The following MGAT4C variants were observed in gnomAD, a reference collection of about 807,000 sequenced individuals.
The protein encoded by MGAT4C is alpha-1,3-mannosyl-glycoprotein 4-beta-N-acetylglucosaminyltransferase C.
MGAT4C carries 19 observed loss-of-function variants against 40.1 expected under a neutral mutation model. That is an observed-to-expected ratio of 0.47 (90% CI 0.33 to 0.70). MGAT4C has a LOEUF of 0.70. MGAT4C is among the 30% of genes least tolerant of loss of function. The probability of loss-of-function intolerance (pLI) is 0.02; values close to 1 mark genes in which losing one functional copy is unlikely to be tolerated. For synonymous variants in MGAT4C, 181 were observed against 187.1 expected (o/e 0.97, Z 0.27); for missense variants, 491 against 563.2 (o/e 0.87, Z 1.30).
chr12:86,506,665 C>T (rs914586127), intron 2 of MGAT4C, among the ~76,000 whole-genome samples: 1 of 152,126 alleles, frequency 6.6e-6, no homozygotes, highest in Non-Finnish European at 1.5e-5. Context: ...AGCCCAACTT[C>T]CAATAGCTTA....
intron 1 of MGAT4C, among the ~76,000 whole-genome samples, chr12:86,150,009 G>A (rs976432422): frequency 3.9e-5 from 6 of 152,260 alleles, no homozygotes; most frequent in East Asian, 1.9e-4. Flanking sequence ...ACCAGGGACC[G>A]GTTTCATGGG....
chr12:86,261,292 C>T (rs951468119), upstream of MGAT4C, among the ~76,000 whole-genome samples: 1 of 152,008 alleles, frequency 6.6e-6, no homozygotes, highest in Non-Finnish European at 1.5e-5. Flanking sequence ...AATTGAAGAC[C>T]TTATATAATG....
intron 2 of MGAT4C, among the ~76,000 whole-genome samples, chr12:86,502,161 T>A (rs955381731): frequency 6.6e-6 from 1 of 152,082 alleles, no homozygotes; most frequent in South Asian, 2.1e-4. Flanking sequence ...GGAATTATTA[T>A]TGAAAAATTA....
chr12:86,240,040 AAAAAAT>A (rs1314356840), intron 1 of MGAT4C, among the ~76,000 whole-genome samples: 642 of 8,852 alleles, frequency 0.073, 1 homozygote, highest in South Asian at 0.15. Flanking sequence ...AAAAAAAAAT[AAAAAAT>A]AAAATAAAAT....
Position 86,642,310 on chromosome 12 carries a change from A to G in MGAT4C, c.-229+84899T>C, listed in dbSNP as rs374568317. On this transcript the variant is annotated intron_variant, in intron 2 of 7. Coordinates refer to the MGAT4C transcript ENST00000548651. ...GATCAGTTTAAATGACCAAGTGTGCATAAATCTACATGGCTTTTCATTCTT... is the reference window on the plus strand; with the variant it reads ...GATCAGTTTAAATGACCAAGTGTGCGTAAATCTACATGGCTTTTCATTCTT... Among the ~76,000 whole-genome samples, 14 of 151,946 alleles carry G rather than the reference A, an allele frequency of 9.2e-5. No individual in the cohort carries two copies. The East Asian group carries it at 1.8e-3, about 19-fold the overall frequency.
intron 2 of MGAT4C, chr12:86,013,781 A>C: frequency 1.1e-6 from 1 of 949,156 alleles, no homozygotes; most frequent in East Asian, 1.2e-4. Flanking sequence ...AAAAAAAAAG[A>C]CTTTCTTAGT....
chr12:86,828,954 A>G (rs1350445934), intron 1 of MGAT4C, among the ~76,000 whole-genome samples: 1 of 151,610 alleles, frequency 6.6e-6, no homozygotes, highest in Non-Finnish European at 1.5e-5. Context: ...AAATTTGCCA[A>G]AAGTTGTTGA....
chr12:86,057,410 T>A (rs1893514987), intron 1 of MGAT4C, among the ~76,000 whole-genome samples: 2 of 152,222 alleles, frequency 1.3e-5, no homozygotes, highest in Non-Finnish European at 2.9e-5. Flanking sequence ...TCTCATTGTT[T>A]GAATAAATAC....
intron 1 of MGAT4C, among the ~76,000 whole-genome samples, chr12:86,170,468 T>C (rs374893364): frequency 8.5e-5 from 13 of 152,222 alleles, no homozygotes; most frequent in African/African-American, 3.1e-4. Context: ...GACTATTTAC[T>C]GTTTAAATTA....
At chr12:86,132,323 T>C (rs1354575108) in intron 1 of MGAT4C, among the ~76,000 whole-genome samples, 1 of 152,160 alleles carries the variant, frequency 6.6e-6, no homozygotes. Context: ...CCTTTTTCAA[T>C]ATAAATTGAT....
intron 1 of MGAT4C, among the ~76,000 whole-genome samples, chr12:86,092,541 G>C (rs541595944): frequency 8.5e-5 from 13 of 152,206 alleles, no homozygotes; most frequent in African/African-American, 3.1e-4. Flanking sequence ...TTGGAAATAT[G>C]AATATGCAAA....
intron 2 of MGAT4C, among the ~76,000 whole-genome samples, chr12:86,515,414 T>C (rs1261603642): frequency 6.6e-6 from 1 of 152,158 alleles, no homozygotes; most frequent in East Asian, 1.9e-4. Flanking sequence ...TATAATAACT[T>C]ATAAACAAAT....
intron 1 of MGAT4C, among the ~76,000 whole-genome samples, chr12:86,773,394 C>A (rs116697264): frequency 6.6e-6 from 1 of 152,046 alleles, no homozygotes; most frequent in African/African-American, 2.4e-5. Context: ...CCTGTTGACA[C>A]CTTGATCTTG....
intron 1 of MGAT4C, among the ~76,000 whole-genome samples, chr12:86,756,321 G>A (rs1318079653): frequency 2.0e-5 from 3 of 152,078 alleles, no homozygotes; most frequent in Non-Finnish European, 4.4e-5. Flanking sequence ...ATCCCATCAT[G>A]TGAGTCCCGC....
At chr12:86,478,807 G>A (rs185800561) in intron 2 of MGAT4C, among the ~76,000 whole-genome samples, 101 of 152,052 alleles carry the variant, frequency 6.6e-4, no homozygotes, top group East Asian at 6.4e-3. Context: ...CTGAGGAAGG[G>A]ATATTGAAAT....
At chr12:85,988,710 CAT>C (rs763679569) in intron 3 of MGAT4C, among the ~76,000 whole-genome samples, 23 of 151,850 alleles carry the variant, frequency 1.5e-4, no homozygotes, top group East Asian at 5.8e-4. Flanking sequence ...TTGAAACTAA[CAT>C]ATTAATTTTT....
intron 2 of MGAT4C, among the ~76,000 whole-genome samples, chr12:86,548,178 T>G (rs1268292013): frequency 6.6e-6 from 1 of 152,068 alleles, no homozygotes; most frequent in Non-Finnish European, 1.5e-5. Flanking sequence ...AGTTGTATAC[T>G]CAGGATCAAT....
intron 1 of MGAT4C, among the ~76,000 whole-genome samples, chr12:86,787,629 T>C (rs1236121444): frequency 6.6e-6 from 1 of 152,106 alleles, no homozygotes; most frequent in Non-Finnish European, 1.5e-5. Context: ...CAACAGCTAT[T>C]GGCAAGGATG....
At chr12:86,791,343 A>C (rs891485621) in intron 1 of MGAT4C, among the ~76,000 whole-genome samples, 4 of 152,198 alleles carry the variant, frequency 2.6e-5, no homozygotes, top group African/African-American at 9.6e-5. Context: ...CATCTTGGAA[A>C]GGACCAGATA....
Sources: allele counts gnomAD v4.1 joint callset (sites outside exome capture counted in the v4.1 genomes callset), GRCh38; gene constraint gnomAD v4.1.1; transcripts MANE v1.5; gene names NCBI Gene and HGNC (gene_info 2026-07-23, HGNC 2026-07-21).